The following PHACTR4 variants were observed in gnomAD, a reference collection of about 807,000 sequenced individuals.
PHACTR4 encodes phosphatase and actin regulator 4.
PHACTR4 carries 51 observed loss-of-function variants against 72.7 expected under a neutral mutation model. The observed-to-expected ratio is 0.70, with a 90% confidence interval of 0.56 to 0.89. The LOEUF (loss-of-function observed/expected upper bound fraction) is 0.89. PHACTR4 is among the 40% of genes least tolerant of loss of function. PHACTR4 has a pLI of 0.00. For missense variants in PHACTR4, 731 were observed against 861.8 expected, an observed-to-expected ratio of 0.85 and a Z score of 1.90; for synonymous variants, 255 against 302.5, an observed-to-expected ratio of 0.84 and a Z score of 1.63.
intron 1 of PHACTR4, among the ~76,000 whole-genome samples, chr1:28,373,708 G>A (rs1310984895): frequency 1.3e-5 from 2 of 152,170 alleles, no homozygotes; most frequent in Non-Finnish European, 2.9e-5. Context: ...TTACAGGCAT[G>A]AGTCACCATG....
At chr1:28,380,097 C>T (rs1373386491) in intron 1 of PHACTR4, among the ~76,000 whole-genome samples, 1 of 134,096 alleles carries the variant, frequency 7.5e-6, no homozygotes, top group East Asian at 2.1e-4. Flanking sequence ...CGCTCTGTCG[C>T]CCAGGCTGGA....
intron 9 of PHACTR4, among the ~76,000 whole-genome samples, chr1:28,485,758 G>T (rs1660602104): frequency 6.6e-6 from 1 of 151,512 alleles, no homozygotes; most frequent in African/African-American, 2.4e-5. Context: ...AATTAGCCGG[G>T]TGTGGTGGCG....
intron 1 of PHACTR4, among the ~76,000 whole-genome samples, chr1:28,376,088 AC>A (rs1651642143): frequency 1.3e-5 from 2 of 151,552 alleles, no homozygotes; most frequent in African/African-American, 4.8e-5. Flanking sequence ...AAACAAACAA[AC>A]AAAAAAAACT....
chr1:28,403,502 A>G (rs1278705428), intron 1 of PHACTR4, among the ~76,000 whole-genome samples: 2 of 152,206 alleles, frequency 1.3e-5, no homozygotes, highest in African/African-American at 2.4e-5. Flanking sequence ...CAGCCAGTGC[A>G]ACAGCATGCT....
At chr1:28,435,545 G>A (rs958645432) in intron 2 of PHACTR4, among the ~76,000 whole-genome samples, 3 of 152,206 alleles carry the variant, frequency 2.0e-5, no homozygotes, top group African/African-American at 7.2e-5. Context: ...GATTATAGGC[G>A]TGAGCCACCA....
chr1:28,377,076 C>T (rs1007915584), intron 1 of PHACTR4, among the ~76,000 whole-genome samples: 14 of 151,600 alleles, frequency 9.2e-5, no homozygotes, highest in Non-Finnish European at 2.1e-4. Context: ...ATTATAGGCG[C>T]TCACCACCAT....
intron 1 of PHACTR4, among the ~76,000 whole-genome samples, chr1:28,380,436 T>C (rs4908414): frequency 0.38 from 58,297 of 151,580 alleles, 12,841 homozygotes; most frequent in African/African-American, 0.6. Context: ...GTTTGTTGTG[T>C]ATATTATTTT....
At position 28,485,252 on chromosome 1, in the gene PHACTR4, A is replaced by G. The variant is rs560714747; in HGVS notation, c.1761-3918A>G. Among the ~76,000 whole-genome samples the G allele has an allele frequency of 9.2e-5, 14 of 152,274 alleles. No homozygotes were observed. In the South Asian group the frequency reaches 2.7e-3, roughly 29 times the overall value. On this transcript the variant is annotated intron_variant, in intron 9 of 13. Coordinates refer to ENST00000373839, the MANE Select transcript of PHACTR4 (RefSeq NM_001048183.3). ...AAGTATAAAGTTTTAGTTATGCATG[A>G]TGAGTAAGTTCTAGAGATCCACTGT...
At chr1:28,396,435 T>A (rs1653504961) in intron 1 of PHACTR4, among the ~76,000 whole-genome samples, 1 of 150,850 alleles carries the variant, frequency 6.6e-6, no homozygotes, top group Non-Finnish European at 1.5e-5. Context: ...GGAGGCTGAG[T>A]CGGAAGAATC....
At chr1:28,437,776 T>G (rs1656727655) in intron 2 of PHACTR4, among the ~76,000 whole-genome samples, 1 of 152,156 alleles carries the variant, frequency 6.6e-6, no homozygotes, top group Non-Finnish European at 1.5e-5. Context: ...ACCATCACAT[T>G]GGTCATTAGA....
At position 28,466,420 on chromosome 1, in the gene PHACTR4, G is replaced by A. The variant is rs377431492; in HGVS notation, c.475G>A (p.Val159Ile). The A allele has an allele frequency of 4.0e-5, 64 of 1,613,734 alleles. No homozygotes were observed. The highest frequency in any genetic ancestry group is 5.3e-5 in the Non-Finnish European group (62 of 1,179,826). Residue 159 changes from valine (V) to isoleucine (I), a missense_variant, in exon 6 of 14, where the codon GTT (valine) becomes ATT (isoleucine). Val to Ile is a conservative substitution (Grantham distance 29). Around this residue, in one of 2 missense-constraint regions of PHACTR4, gnomAD observed 621 missense variants for 676.6 expected, o/e 0.92. Transcript: ENST00000373839. Reference sequence around the variant, plus strand: ...CCAGCCTAATTCTGAAGCAGAGTCTGTTCCTGAGAATGTACCCAAACCACC... The same window carrying A: ...CCAGCCTAATTCTGAAGCAGAGTCTATTCCTGAGAATGTACCCAAACCACC... ...GSQPNSEAES[V>I]PENVPKPPLL...
At chr1:28,370,962 A>G (rs375468334) in intron 1 of PHACTR4, among the ~76,000 whole-genome samples, 1 of 152,116 alleles carries the variant, frequency 6.6e-6, no homozygotes, top group Non-Finnish European at 1.5e-5. Flanking sequence ...AAATGAAGCC[A>G]GTTTAGGGGA....
intron 2 of PHACTR4, among the ~76,000 whole-genome samples, chr1:28,448,518 C>T (rs1000464507): frequency 2.0e-5 from 3 of 149,190 alleles, no homozygotes; most frequent in African/African-American, 5.0e-5. Flanking sequence ...TGTGGGAGGC[C>T]GAGGAGGGCG....
At chr1:28,394,037 A>G (rs545916934) in intron 1 of PHACTR4, among the ~76,000 whole-genome samples, 6 of 152,198 alleles carry the variant, frequency 3.9e-5, no homozygotes, top group Admixed American at 3.9e-4. Flanking sequence ...AGTTAACTGT[A>G]AAACAGCCTC....
At chr1:28,450,865 C>T (rs924552004) in intron 2 of PHACTR4, among the ~76,000 whole-genome samples, 10 of 151,354 alleles carry the variant, frequency 6.6e-5, no homozygotes, top group Non-Finnish European at 1.3e-4. Flanking sequence ...TGCTGGAGTG[C>T]AGTGGAGTTG....
chr1:28,491,573 TG>T, intron 11 of PHACTR4, 76 bp from the exon 12 acceptor site: 1 of 1,591,596 alleles, frequency 6.3e-7, no homozygotes, highest in Non-Finnish European at 8.6e-7. Context: ...ATTGAAGCAC[TG>T]GGTTAGAGGC....
intron 2 of PHACTR4, chr1:28,422,717 G>A (rs564442430): frequency 4.9e-4 from 75 of 152,274 alleles, no homozygotes; most frequent in African/African-American, 1.8e-3. Context: ...TTTAGGGCAA[G>A]TTTTTTGTTT....
intron 8 of PHACTR4, among the ~76,000 whole-genome samples, chr1:28,478,494 C>T (rs548650678): frequency 2.0e-5 from 3 of 152,158 alleles, no homozygotes; most frequent in South Asian, 2.1e-4. Flanking sequence ...TGCAGAGGCA[C>T]GATCTCAGCT....
chr1:28,447,395 C>T (rs1286558636), intron 2 of PHACTR4, among the ~76,000 whole-genome samples: 4 of 132,784 alleles, frequency 3.0e-5, no homozygotes, highest in African/African-American at 5.5e-5. Context: ...TTTCTTTTTT[C>T]TTTTTTTTTT....
Sources: gnomAD v4.1 joint callset for allele counts (sites outside exome capture counted in the v4.1 genomes callset) on GRCh38, gnomAD v4.1.1 for gene constraint, gnomAD v4.1.1 regional missense constraint, MANE v1.5 for transcripts, NCBI Gene and HGNC (gene_info 2026-07-23, HGNC 2026-07-21) for gene names.